RMDN2: variants seen among roughly 807,000 people sequenced by gnomAD.
The protein encoded by RMDN2 is regulator of microtubule dynamics 2.
Under a neutral mutation model 52.8 loss-of-function variants are expected in RMDN2, and 61 were observed. The observed-to-expected ratio is 1.16, with a 90% CI of 0.94 to 1.43. The LOEUF is 1.43. RMDN2 is among the 40% of genes most tolerant of loss of function. The pLI is 0.00. For missense variants in RMDN2, 592 were observed against 475.3 expected, an observed-to-expected ratio of 1.25 and a Z score of -2.28; for synonymous variants, 180 against 153.1, an observed-to-expected ratio of 1.18 and a Z score of -1.30.
intron 10 of RMDN2, among the ~76,000 whole-genome samples, chr2:38,042,719 A>G (rs1478044988): frequency 6.6e-6 from 1 of 152,170 alleles, no homozygotes; most frequent in Non-Finnish European, 1.5e-5. Context: ...CATTTAATCC[A>G]AAATATTTTA....
At chr2:37,966,600 T>G (rs1195964864) in intron 2 of RMDN2, among the ~76,000 whole-genome samples, 3 of 152,158 alleles carry the variant, frequency 2.0e-5, no homozygotes, top group Non-Finnish European at 2.9e-5. Flanking sequence ...TTTACTTTTT[T>G]TTCATTTTTT....
At chr2:38,022,740 G>A (rs140142771), downstream of RMDN2, among the ~76,000 whole-genome samples, 1,724 of 152,254 alleles carry the variant, frequency 0.011, 33 homozygotes, top group African/African-American at 0.039. Flanking sequence ...CTTCTCATTT[G>A]TGCCTAAAAG....
At chr2:37,951,146 AG>A (rs1458409809) in intron 2 of RMDN2, 1 of 1,268,552 alleles carries the variant, frequency 7.9e-7, no homozygotes, top group Non-Finnish European at 1.1e-6. Flanking sequence ...GGACACCAAA[AG>A]GTGGATATTA....
intron 10 of RMDN2, among the ~76,000 whole-genome samples, chr2:38,046,648 T>C (rs945452668): frequency 3.9e-4 from 59 of 152,158 alleles, no homozygotes; most frequent in African/African-American, 1.2e-3. Context: ...AGACTTCTTA[T>C]ATTCAGAAGA....
At chr2:37,924,333 T>C (rs1666120766), upstream of RMDN2, among the ~76,000 whole-genome samples, 1 of 152,226 alleles carries the variant, frequency 6.6e-6, no homozygotes, top group South Asian at 2.1e-4. Flanking sequence ...CTTGAGGCAG[T>C]AATACTCAAG....
At chr2:37,989,233 T>C (rs966031999) in intron 5 of RMDN2, among the ~76,000 whole-genome samples, 9 of 152,180 alleles carry the variant, frequency 5.9e-5, no homozygotes, top group South Asian at 2.1e-4. Context: ...ATGATGATGA[T>C]AGCGGCAGGT....
intron 10 of RMDN2, among the ~76,000 whole-genome samples, chr2:38,058,253 G>C (rs1203815965): frequency 6.6e-6 from 1 of 152,216 alleles, no homozygotes; most frequent in Non-Finnish European, 1.5e-5. Context: ...AGGGAAGGGG[G>C]TGAAGGAGCC....
chr2:37,989,274 C>T (rs1340420001), intron 5 of RMDN2, among the ~76,000 whole-genome samples: 1 of 152,070 alleles, frequency 6.6e-6, no homozygotes, highest in Non-Finnish European at 1.5e-5. Context: ...ATGTCCTGGT[C>T]ACTGTTCTAA....
At chr2:37,970,862 G>A (rs1263733158) in intron 2 of RMDN2, among the ~76,000 whole-genome samples, 1 of 152,044 alleles carries the variant, frequency 6.6e-6, no homozygotes, top group African/African-American at 2.4e-5. Flanking sequence ...TAATTTGGTG[G>A]TTTTTATTTG....
chr2:37,986,516 T>C (rs1596862), intron 5 of RMDN2, among the ~76,000 whole-genome samples: 64,362 of 151,780 alleles, frequency 0.42, 15,102 homozygotes, highest in East Asian at 0.78. Context: ...CTCATGAATA[T>C]AGAAGCAAAA....
rs375917456 is a variant in RMDN2, at chr2:37,931,948, G to C, written c.452+2219G>C. The stretch of plus-strand genomic sequence containing the variant: ...CAGCAAATGGCACTCAGTAAAGAAG[G>C]GGAGAAGCTTTTTCCTGTTTAGCTC... On this transcript the variant is annotated intron_variant, in intron 2 of 10. Transcript: ENST00000354545. Among the ~76,000 whole-genome samples, 8 of 152,154 alleles carry C rather than the reference G, an allele frequency of 5.3e-5. No individual in the cohort carries two copies. In the South Asian group the frequency reaches 1.0e-3, roughly 20 times the overall value.
chr2:38,041,532 A>C (rs745789762), intron 10 of RMDN2, among the ~76,000 whole-genome samples: 2 of 145,278 alleles, frequency 1.4e-5, no homozygotes, highest in Non-Finnish European at 3.0e-5. Context: ...AATCTTGAGG[A>C]GAAAGTACCC....
At position 37,975,179 on chromosome 2, in the gene RMDN2, AATTT is replaced by A. The variant is rs747888113; in HGVS notation, c.628-31_628-28del. The A allele has an allele frequency of 3.6e-5, 46 of 1,273,846 alleles. No homozygotes were observed. The East Asian group carries it at 1.1e-3, about 29-fold the overall frequency. 78.9% of individuals were successfully genotyped at this position (1,273,846 alleles called of 1,614,324 possible). On this transcript the variant is annotated intron_variant, in intron 3 of 10. Coordinates refer to ENST00000354545, the MANE Select transcript of RMDN2 (RefSeq NM_001170791.3). ...AATAGAATAGACAAGTTACCAAGTTAATTTAACAGGCAACTCCATCTTTTCTTTT... is the reference window on the plus strand; with the variant it reads ...AATAGAATAGACAAGTTACCAAGTTAAACAGGCAACTCCATCTTTTCTTTT...
chr2:37,941,123 G>A (rs1667747677), intron 2 of RMDN2, among the ~76,000 whole-genome samples: 1 of 152,174 alleles, frequency 6.6e-6, no homozygotes, highest in Non-Finnish European at 1.5e-5. Context: ...CTTTCTCTTT[G>A]TTAGTTTTCC....
intron 2 of RMDN2, among the ~76,000 whole-genome samples, chr2:37,959,570 T>A (rs1669927960): frequency 6.6e-6 from 1 of 150,930 alleles, no homozygotes; most frequent in South Asian, 2.1e-4. Context: ...TGGCTAGCGA[T>A]CTATTTTGTT....
chr2:37,987,431 G>A (rs1297427857), intron 5 of RMDN2, among the ~76,000 whole-genome samples: 1 of 152,054 alleles, frequency 6.6e-6, no homozygotes, highest in African/African-American at 2.4e-5. Flanking sequence ...GTAAAAGAAG[G>A]CAATCTGAAA....
intron 10 of RMDN2, among the ~76,000 whole-genome samples, chr2:38,062,675 G>C (rs1229334487): frequency 1.3e-5 from 2 of 151,612 alleles, no homozygotes; most frequent in Non-Finnish European, 2.9e-5. Context: ...GTGCAGGTTT[G>C]TTACATATGT....
intron 10 of RMDN2, among the ~76,000 whole-genome samples, chr2:38,011,191 T>A (rs1287050302): frequency 2.6e-5 from 4 of 152,206 alleles, no homozygotes; most frequent in African/African-American, 9.7e-5. Flanking sequence ...TCCAAGGCCA[T>A]GACAAAGATG....
intron 5 of RMDN2, among the ~76,000 whole-genome samples, chr2:37,982,584 G>C (rs1182806134): frequency 6.6e-6 from 1 of 152,134 alleles, no homozygotes; most frequent in Non-Finnish European, 1.5e-5. Flanking sequence ...GCTAAATCTG[G>C]CAGAACCTGT....
Sources: gnomAD v4.1 joint callset for allele counts (sites outside exome capture counted in the v4.1 genomes callset) on GRCh38, gnomAD v4.1.1 for gene constraint, MANE v1.5 for transcripts, NCBI Gene and HGNC (gene_info 2026-07-23, HGNC 2026-07-21) for gene names.